GSE1: variants seen among roughly 807,000 people sequenced by gnomAD.
The protein encoded by GSE1 is Gse1 coiled-coil protein.
A neutral mutation model predicts 112.6 loss-of-function variants in GSE1; 32 were observed. That is an observed-to-expected ratio of 0.28 (90% CI 0.21 to 0.38). GSE1 has a LOEUF of 0.38. Ranked by LOEUF, GSE1 falls within the 10% of genes least tolerant of loss-of-function variation. The probability of loss-of-function intolerance (pLI) is 1.00; values close to 1 mark genes in which losing one functional copy is unlikely to be tolerated. For missense variants in GSE1, 2,348 were observed against 1,699.2 expected, an observed-to-expected ratio of 1.38 and a Z score of -6.71; for synonymous variants, 1,115 against 735.6, an observed-to-expected ratio of 1.52 and a Z score of -8.35.
chr16:85,648,632 G>T lies in GSE1; in HGVS notation c.307G>T (p.Val103Leu). 1 of 1,604,032 alleles carries T rather than the reference G, an allele frequency of 6.2e-7. No homozygotes were observed. The highest frequency in any genetic ancestry group is 8.5e-7 in the Non-Finnish European group (1 of 1,173,516). ...HSSPASTPKR[V>L]PMGPIIVPPG... Reference sequence around the variant, plus strand: ...CTCCCCCGCCAGCACACCCAAGCGCGTGCCCATGGGCCCTATCATCGTCCC... The same window carrying T: ...CTCCCCCGCCAGCACACCCAAGCGCTTGCCCATGGGCCCTATCATCGTCCC... Residue 103 changes from valine (V) to leucine (L), a missense_variant, in exon 3 of 16, where the codon GTG (valine) becomes TTG (leucine). Physicochemically the swap from Val to Leu is conservative, Grantham distance 32. Transcript: ENST00000253458.
intron 1 of GSE1, among the ~76,000 whole-genome samples, chr16:85,182,416 C>T (rs965739528): frequency 6.6e-6 from 1 of 152,250 alleles, no homozygotes; most frequent in Middle Eastern, 3.2e-3. Context: ...AGGCAGCACC[C>T]AGACAAGGTG....
chr16:85,643,592 G>T (rs2050621405), intron 2 of GSE1, among the ~76,000 whole-genome samples: 1 of 152,226 alleles, frequency 6.6e-6, no homozygotes, highest in African/African-American at 2.4e-5. Context: ...GGGTCTCTCT[G>T]GGAGGTGGGG....
intron 1 of GSE1, among the ~76,000 whole-genome samples, chr16:85,245,128 C>T (rs1008831379): frequency 6.6e-6 from 1 of 152,106 alleles, no homozygotes; most frequent in Non-Finnish European, 1.5e-5. Context: ...TATCACTGTA[C>T]TCCAGCCTGG....
At chr16:85,664,980 A>C in intron 11 of GSE1, 35 bp from the exon 12 acceptor site, 2 of 1,319,562 alleles carry the variant, frequency 1.5e-6, no homozygotes, top group Non-Finnish European at 2.2e-6. Context: ...AAATGATGCA[A>C]CTGGCTCGTT....
At chr16:85,553,510 C>G (rs1358858693), upstream of GSE1, among the ~76,000 whole-genome samples, 3 of 151,534 alleles carry the variant, frequency 2.0e-5, no homozygotes, top group South Asian at 2.1e-4. Context: ...CCTGCGCCCG[C>G]GTGCGCTAGG....
intron 2 of GSE1, among the ~76,000 whole-genome samples, chr16:85,491,206 C>G (rs1388957352): frequency 6.6e-6 from 1 of 152,166 alleles, no homozygotes; most frequent in Non-Finnish European, 1.5e-5. Context: ...TGTGTTCACG[C>G]AGCATCAGGC....
chr16:85,511,411 C>T (rs1158472984), intron 2 of GSE1, among the ~76,000 whole-genome samples: 1 of 152,028 alleles, frequency 6.6e-6, no homozygotes, highest in Non-Finnish European at 1.5e-5. Context: ...GGCTGTAATC[C>T]CAGCTACTCG....
rs970598244 is a variant in GSE1, at chr16:85,308,538, G to A, written c.2284-48925G>A. 1.3e-5 allele frequency among the ~76,000 whole-genome samples: 2 copies of A among 152,206 alleles called. 1 individual carries two copies. ...AAACTCCTCGGGGACTTCGAAAGGAGCTCTCACCATAGCTCCTGCAATCCA... is the reference window on the plus strand; with the variant it reads ...AAACTCCTCGGGGACTTCGAAAGGAACTCTCACCATAGCTCCTGCAATCCA... On this transcript the variant is annotated intron_variant, in intron 1 of 2. Coordinates refer to the GSE1 transcript ENST00000637419.
chr16:85,567,138 G>T (rs982437555), intron 1 of GSE1, among the ~76,000 whole-genome samples: 5 of 146,178 alleles, frequency 3.4e-5, no homozygotes, highest in Admixed American at 2.7e-4. Flanking sequence ...CTGTCTTTAT[G>T]ACAGCACTCA....
intron 1 of GSE1, among the ~76,000 whole-genome samples, chr16:85,589,715 G>A (rs1016622111): frequency 3.9e-5 from 6 of 152,164 alleles, no homozygotes; most frequent in African/African-American, 7.2e-5. Flanking sequence ...GTGTGTGAAC[G>A]TGTGAATGTG....
intron 2 of GSE1, among the ~76,000 whole-genome samples, chr16:85,478,899 CTTTCTTTCTT>C (rs2050565841): frequency 9.1e-5 from 7 of 76,568 alleles, no homozygotes; most frequent in African/African-American, 4.6e-4. Flanking sequence ...TTCTTTCTTT[CTTTCTTTCTT>C]TCTTTCTTTC....
upstream of GSE1, chr16:85,555,767 A>G: frequency 8.2e-6 from 8 of 977,602 alleles, no homozygotes; most frequent in South Asian, 3.3e-4. Context: ...AAATGGCTGA[A>G]TGGAGGAGAG....
chr16:85,654,354 G>T lies in GSE1; in HGVS notation c.503G>T (p.Gly168Val). ...CCCCCGCTCCCTCAGGAGAAGGCAG[G>T]GGGACCAGCCATCCCCTCGCACCTG... ...VEPPLPQEKAGGPAIPSHLLS... is the reference protein window; with the variant it reads ...VEPPLPQEKAVGPAIPSHLLS... Residue 168 changes from glycine (G) to valine (V), a missense_variant, in exon 4 of 16, where the codon GGG (glycine) becomes GTG (valine). Transcript: ENST00000253458. 1.9e-6 allele frequency: 3 copies of T among 1,612,226 alleles called. No individual in the cohort carries two copies. The highest frequency in any genetic ancestry group is 2.5e-6 in the Non-Finnish European group (3 of 1,179,678).
At chr16:85,551,750 C>T (rs1267612123), upstream of GSE1, among the ~76,000 whole-genome samples, 2 of 152,230 alleles carry the variant, frequency 1.3e-5, no homozygotes, top group African/African-American at 2.4e-5. Flanking sequence ...GCTGGGCTAT[C>T]GCTAGAATTT....
intron 2 of GSE1, among the ~76,000 whole-genome samples, chr16:85,527,071 C>T (rs115142332): frequency 2.6e-5 from 4 of 152,354 alleles, no homozygotes; most frequent in Admixed American, 1.3e-4. Context: ...TTCACCTCTC[C>T]GGTCAGGATG....
chr16:85,656,355 C>G lies in GSE1; in HGVS notation c.1002C>G (p.Asp334Glu). ...SGLSAERLQM[D>E]EELRRERERE... is the part of the protein sequence containing the mutation. Reference sequence around the variant, plus strand: ...CCATGTGCTGCAGGCTGCAGATGGACGAGGAGCTAAGGCGGGAGAGGGAGC... The same window carrying G: ...CCATGTGCTGCAGGCTGCAGATGGAGGAGGAGCTAAGGCGGGAGAGGGAGC... The change falls in exon 7 of 16, where the codon GAC (aspartate) becomes GAG (glutamate). Residue 334 changes from aspartate to glutamate, a missense_variant. Asp to Glu is a conservative substitution (Grantham distance 45, BLOSUM62 2). Transcript: ENST00000253458. The G allele has an allele frequency of 1.2e-6, 2 of 1,610,844 alleles. No homozygotes were observed. The highest frequency in any genetic ancestry group is 1.7e-6 in the Non-Finnish European group (2 of 1,179,454).
chr16:85,177,767 C>T (rs12445450), intron 1 of GSE1, among the ~76,000 whole-genome samples: 36,637 of 151,964 alleles, frequency 0.24, 5,138 homozygotes, highest in Admixed American at 0.39. Context: ...TGCCGGGACC[C>T]CAAAACGCCA....
At chr16:85,170,220 C>G (rs1452946229) in exon 1 of GSE1, 12 of 985,398 alleles carry the variant, frequency 1.2e-5, no homozygotes, top group Non-Finnish European at 1.4e-5. Flanking sequence ...CGCAGGGGCG[C>G]GCGGAGGAGG....
chr16:85,351,946 C>T (rs1597462848), intron 1 of GSE1, among the ~76,000 whole-genome samples: 1 of 152,078 alleles, frequency 6.6e-6, no homozygotes, highest in Non-Finnish European at 1.5e-5. Flanking sequence ...GCCGAGATCG[C>T]ACCACTGCAC....
Sources: gnomAD v4.1 joint callset for allele counts (sites outside exome capture counted in the v4.1 genomes callset) on GRCh38, gnomAD v4.1.1 for gene constraint, MANE v1.5 for transcripts, NCBI Gene and HGNC (gene_info 2026-07-23, HGNC 2026-07-21) for gene names.